NIPBL: variants seen among roughly 807,000 people sequenced by gnomAD.
The protein encoded by NIPBL is NIPBL cohesin loading factor, also known as nipped-B-like protein.
In NIPBL, 19 loss-of-function variants were observed where a neutral mutation model predicts 321.8. That is an observed-to-expected ratio of 0.06 (90% confidence interval 0.04 to 0.09). The LOEUF is 0.09. Among genes scored for constraint, NIPBL ranks in the 10% least tolerant of loss-of-function variants. The pLI, the probability that NIPBL is intolerant of heterozygous loss-of-function variation, is 1.00. For missense variants in NIPBL, 2,210 were observed against 3,327.0 expected, an observed-to-expected ratio of 0.66 and a Z score of 8.26; for synonymous variants, 1,106 against 1,114.1, an observed-to-expected ratio of 0.99 and a Z score of 0.14.
At chr5:36,940,895 A>C (rs147672938) in intron 1 of NIPBL, among the ~76,000 whole-genome samples, 19 of 152,332 alleles carry the variant, frequency 1.2e-4, no homozygotes, top group African/African-American at 4.3e-4. Context: ...TGTTACTGTT[A>C]TGGAATTTAT....
intron 1 of NIPBL, among the ~76,000 whole-genome samples, chr5:36,913,273 A>G (rs989446008): frequency 2.0e-5 from 3 of 152,224 alleles, no homozygotes; most frequent in Admixed American, 6.5e-5. Flanking sequence ...GCAGTGGTTC[A>G]GCACACACAA....
At chr5:37,010,840 A>G (rs907463993) in intron 21 of NIPBL, among the ~76,000 whole-genome samples, 1 of 152,214 alleles carries the variant, frequency 6.6e-6, no homozygotes, top group Non-Finnish European at 1.5e-5. Flanking sequence ...TGTGAAAGTG[A>G]ATAATACAAT....
intron 6 of NIPBL, 66 bp from the exon 7 acceptor site, chr5:36,970,803 TGTGAATA>T: frequency 7.8e-7 from 1 of 1,282,458 alleles, no homozygotes; most frequent in South Asian, 1.2e-5. Flanking sequence ...TTAAAATATT[TGTGAATA>T]ATTACTATTC....
chr5:37,044,037 C>T (rs369881855), intron 34 of NIPBL, among the ~76,000 whole-genome samples: 2 of 152,142 alleles, frequency 1.3e-5, no homozygotes, highest in East Asian at 1.9e-4. Flanking sequence ...CTGTACCAGT[C>T]TTTGTATAAT....
In NIPBL at chr5:37,007,309, T is replaced by A; in HGVS notation, c.4088-14T>A. The A allele has an allele frequency of 6.2e-7, 1 of 1,607,798 alleles. No homozygotes were observed. Among genetic ancestry groups the A allele is most frequent in the Non-Finnish European group, 8.5e-7 (1 of 1,175,198 alleles). ...AGTTGATGTTTTCCTTATCTTGAAT[T>A]TGTTTCATTTTAGGAGGCTTATTAA... is the stretch of plus-strand genomic sequence containing the variant. On this transcript the variant is annotated splice_polypyrimidine_tract_variant and intron_variant, in intron 17 of 46. Transcript: ENST00000282516.
rs748773946 is a variant in NIPBL at position 37,060,833 on chromosome 5, T to C, written c.7686-11T>C. Reference sequence around the variant, plus strand: ...AGTTTTAAAGTTTTTGGTTTTGTTTTCCCAAAACAGTAAAATTCAGAAGTA... The same window carrying C: ...AGTTTTAAAGTTTTTGGTTTTGTTTCCCCAAAACAGTAAAATTCAGAAGTA... On this transcript the variant is annotated splice_polypyrimidine_tract_variant and intron_variant, in intron 44 of 46. Transcript: ENST00000282516. The C allele has an allele frequency of 3.0e-5, 48 of 1,611,196 alleles. No homozygotes were observed. The highest frequency in any genetic ancestry group is 3.8e-5 in the Non-Finnish European group (45 of 1,178,826).
chr5:36,980,950 G>T (rs1744066524), intron 9 of NIPBL, among the ~76,000 whole-genome samples: 1 of 151,558 alleles, frequency 6.6e-6, no homozygotes, highest in Non-Finnish European at 1.5e-5. Flanking sequence ...AAGGGTGTAG[G>T]TGAGGTCATA....
rs1172849763 is a variant in NIPBL, at chr5:36,877,079, C to T, written c.-179C>T. 2.9e-6 allele frequency: 1 copy of T among 348,916 alleles called. No individual in the cohort carries two copies. Among genetic ancestry groups the T allele is most frequent in the Admixed American group, 4.7e-5 (1 of 21,070 alleles). The allele number at this position is 348,916 out of a possible 1,614,324, so 21.6% of individuals were successfully genotyped here. On this transcript the variant is annotated 5_prime_UTR_variant, in exon 1 of 47. It adds an upstream start codon to the 5' untranslated region. Transcript: ENST00000282516. ...CTACATGTTCCCCGCACTGAGGAGA[C>T]GGAAGAGGAGCCGTAGCCACCCCCC...
At position 37,064,825 on chromosome 5, in the gene NIPBL, A is replaced by G; in HGVS notation, c.8348A>G (p.Lys2783Arg). 1 of 1,614,222 alleles carries G rather than the reference A, an allele frequency of 6.2e-7. No homozygotes were observed. Among genetic ancestry groups the G allele is most frequent in the Non-Finnish European group, 8.5e-7 (1 of 1,180,022 alleles). ...AAAATTGCTCTAACGAGTGCTAATA[A>G]GCTGACTAATAAAGTTGTTCAGACT... ...YKKIALTSAN[K>R]LTNKVVQTLR... Residue 2783 changes from lysine (K) to arginine (R), a missense_variant, in exon 47 of 47, where the codon AAG becomes AGG. Lys to Arg is a conservative substitution (Grantham distance 26, BLOSUM62 2). Transcript: ENST00000282516.
chr5:36,882,887 A>T (rs559899935), intron 1 of NIPBL, among the ~76,000 whole-genome samples: 166 of 149,944 alleles, frequency 1.1e-3, no homozygotes, highest in Middle Eastern at 6.9e-3. Flanking sequence ...TTTTTTTTTA[A>T]AAAAAAAACC....
chr5:37,027,261 GA>G, intron 31 of NIPBL, 97 bp from the exon 32 acceptor site: 1 of 962,904 alleles, frequency 1.0e-6, no homozygotes, highest in South Asian at 1.4e-5. Flanking sequence ...TTTGAATTGA[GA>G]AAATTGAAAC....
At chr5:36,954,010 G>A (rs1245702648) in intron 2 of NIPBL, among the ~76,000 whole-genome samples, 1 of 152,068 alleles carries the variant, frequency 6.6e-6, no homozygotes, top group Non-Finnish European at 1.5e-5. Context: ...TTTACTCTAA[G>A]GACTTAAGAA....
chr5:36,898,534 G>A (rs903654525), intron 1 of NIPBL, among the ~76,000 whole-genome samples: 1 of 141,100 alleles, frequency 7.1e-6, no homozygotes, highest in African/African-American at 2.7e-5. Context: ...TTTTTGAGAC[G>A]GAGTTTCGCT....
At chr5:36,901,657 G>T (rs772521201) in intron 1 of NIPBL, among the ~76,000 whole-genome samples, 1 of 151,930 alleles carries the variant, frequency 6.6e-6, no homozygotes, top group Non-Finnish European at 1.5e-5. Context: ...TTACAGGCGT[G>T]CACCACCACA....
intron 10 of NIPBL, among the ~76,000 whole-genome samples, chr5:36,989,653 C>T (rs1347833009): frequency 6.6e-6 from 1 of 151,954 alleles, no homozygotes; most frequent in Non-Finnish European, 1.5e-5. Flanking sequence ...GCCTGGCCAA[C>T]ATGGTGAAAC....
intron 1 of NIPBL, among the ~76,000 whole-genome samples, chr5:36,950,899 C>CACAGATTA (rs1746614072): frequency 6.7e-6 from 1 of 148,948 alleles, no homozygotes. Flanking sequence ...GCAACATTTC[C>CACAGATTA]ACAGATTACT....
intron 34 of NIPBL, 113 bp from the exon 35 acceptor site, chr5:37,044,234 T>A: frequency 1.1e-6 from 1 of 944,700 alleles, no homozygotes; most frequent in Non-Finnish European, 1.6e-6. Context: ...CTTTTTTTTT[T>A]AACTGGACCT....
chr5:37,013,146 C>A (rs756811675), intron 21 of NIPBL, among the ~76,000 whole-genome samples: 1 of 146,796 alleles, frequency 6.8e-6, no homozygotes, highest in Non-Finnish European at 1.5e-5. Flanking sequence ...ACCTCCCGGA[C>A]GGGGCGGCTG....
chr5:36,980,102 T>A (rs768546083), intron 9 of NIPBL, among the ~76,000 whole-genome samples: 44 of 151,896 alleles, frequency 2.9e-4, no homozygotes, highest in Middle Eastern at 3.4e-3. Context: ...TCATATATAG[T>A]TCTAATTGCA....
Sources: allele counts gnomAD v4.1 joint callset (sites outside exome capture counted in the v4.1 genomes callset), GRCh38; gene constraint gnomAD v4.1.1; transcripts MANE v1.5; gene names NCBI Gene and HGNC (gene_info 2026-07-23, HGNC 2026-07-21).